POMP: variants seen among roughly 807,000 people sequenced by gnomAD.
The protein encoded by POMP is 2510048O06Rik.
In POMP, 12 loss-of-function variants were observed where a neutral mutation model predicts 20.6. The ratio of observed to expected loss-of-function variants is 0.58; its 90% CI spans 0.37 to 0.94. POMP has a LOEUF of 0.94. POMP is among the 40% of genes least tolerant of loss of function. The pLI, the probability that POMP is intolerant of heterozygous loss-of-function variation, is 0.01. For synonymous variants in POMP, 53 were observed against 55.0 expected (o/e 0.96, Z 0.16); for missense variants, 136 against 161.1 (o/e 0.84, Z 0.84).
chr13:28,672,705 T>A (rs1884571061), intron 5 of POMP, among the ~76,000 whole-genome samples: 1 of 152,076 alleles, frequency 6.6e-6, no homozygotes, highest in Non-Finnish European at 1.5e-5. Flanking sequence ...GAGACAAGCC[T>A]GGCCAACATG....
chr13:28,669,881 G>A (rs1444744088), intron 4 of POMP, among the ~76,000 whole-genome samples: 2 of 152,094 alleles, frequency 1.3e-5, no homozygotes, highest in African/African-American at 4.8e-5. Flanking sequence ...CAAGGTGGGT[G>A]GATCACTCAA....
At chr13:28,669,442 C>G (rs143832868) in intron 4 of POMP, among the ~76,000 whole-genome samples, 2,875 of 152,222 alleles carry the variant, frequency 0.019, 82 homozygotes, top group African/African-American at 0.065. Context: ...GTGGTATGAT[C>G]ATAGCTCACT....
At chr13:28,675,715 A>G (rs531998033) in intron 5 of POMP, among the ~76,000 whole-genome samples, 31 of 143,490 alleles carry the variant, frequency 2.2e-4, no homozygotes, top group Non-Finnish European at 3.9e-4. Context: ...TTTGTAAAGA[A>G]AATTTATTTT....
intron 1 of POMP, among the ~76,000 whole-genome samples, chr13:28,661,174 C>T (rs1268901287): frequency 6.6e-6 from 1 of 152,108 alleles, no homozygotes; most frequent in African/African-American, 2.4e-5. Flanking sequence ...TTAAAGTTAG[C>T]GTCTTGGGCC....
At chr13:28,672,488 C>T in intron 5 of POMP, 56 bp downstream of exon 5, 2 of 1,358,696 alleles carry the variant, frequency 1.5e-6, no homozygotes, top group Non-Finnish European at 2.1e-6. Context: ...AGGCAAACAG[C>T]TGCAAAAAGA....
At chr13:28,665,746 C>G (rs922069348) in intron 3 of POMP, among the ~76,000 whole-genome samples, 1 of 152,176 alleles carries the variant, frequency 6.6e-6, no homozygotes, top group Non-Finnish European at 1.5e-5. Flanking sequence ...AATTTTAGTT[C>G]ACTCTTTTAC....
At chr13:28,669,786 C>T (rs1224353018) in intron 4 of POMP, among the ~76,000 whole-genome samples, 1 of 152,164 alleles carries the variant, frequency 6.6e-6, no homozygotes, top group Non-Finnish European at 1.5e-5. Flanking sequence ...CTATTTCCTA[C>T]TTGTTGCTTT....
chr13:28,665,367 AAG>A (rs1167658051), intron 3 of POMP, among the ~76,000 whole-genome samples: 1 of 152,214 alleles, frequency 6.6e-6, no homozygotes, highest in African/African-American at 2.4e-5. Flanking sequence ...GCCTATAAGA[AAG>A]AGTAGAACAA....
chr13:28,660,009 CTCCT>C (rs1294216325), intron 1 of POMP: 1 of 152,216 alleles, frequency 6.6e-6, no homozygotes, highest in Non-Finnish European at 1.5e-5. Context: ...CCTTTCTCGG[CTCCT>C]TCCTTTATTA....
chr13:28,671,122 C>T (rs2480481), intron 4 of POMP, among the ~76,000 whole-genome samples: 6,763 of 152,180 alleles, frequency 0.044, 504 homozygotes, highest in African/African-American at 0.15. Context: ...GGAAGCTACT[C>T]GTTTTCCAAA....
At chr13:28,677,113 G>A (rs1424925167) in intron 5 of POMP, among the ~76,000 whole-genome samples, 7 of 151,966 alleles carry the variant, frequency 4.6e-5, no homozygotes, top group Non-Finnish European at 7.4e-5. Flanking sequence ...CATTTTTCTC[G>A]TTCCCTAATT....
rs1160348874 is a variant in POMP at position 28,671,445 on chromosome 13, C to CT, written c.265-893dup. Among the ~76,000 whole-genome samples, 5 of 139,226 alleles carry CT rather than the reference C, an allele frequency of 3.6e-5. No individual in the cohort carries two copies. In the East Asian group the frequency reaches 8.3e-4, roughly 23 times the overall value. 91.3% of individuals were successfully genotyped at this position (139,226 alleles called of 152,430 possible). ...TCCAAATATCTTTGCCCAGAATTCT[C>CT]TGTCTTTTTTTTTTTTTTCTTATCT... is the stretch of plus-strand genomic sequence containing the variant. On this transcript the variant is annotated intron_variant, in intron 4 of 5. Transcript: ENST00000380842.
intron 3 of POMP, among the ~76,000 whole-genome samples, chr13:28,666,212 A>C (rs1159689416): frequency 6.6e-6 from 1 of 152,208 alleles, no homozygotes; most frequent in African/African-American, 2.4e-5. Context: ...TGGGCAGGGT[A>C]AAGTGACTTG....
chr13:28,677,893 AC>A (rs1429765371), intron 5 of POMP, 141 bp from the exon 6 acceptor site: 1 of 809,832 alleles, frequency 1.2e-6, no homozygotes, highest in Non-Finnish European at 2.0e-6. Context: ...CAGTCACCCC[AC>A]CCCAGCCCCA....
At chr13:28,666,527 T>G (rs1308344700) in intron 3 of POMP, among the ~76,000 whole-genome samples, 4 of 152,244 alleles carry the variant, frequency 2.6e-5, no homozygotes, top group African/African-American at 9.6e-5. Flanking sequence ...GCATCTCTTC[T>G]TCTTTAATCA....
chr13:28,676,227 A>C (rs183824943), intron 5 of POMP, among the ~76,000 whole-genome samples: 2 of 152,036 alleles, frequency 1.3e-5, no homozygotes, highest in African/African-American at 4.8e-5. Flanking sequence ...GATGGTCTCG[A>C]TCTCCTGACC....
intron 4 of POMP, among the ~76,000 whole-genome samples, chr13:28,670,310 T>C (rs1884524981): frequency 6.6e-6 from 1 of 152,162 alleles, no homozygotes; most frequent in African/African-American, 2.4e-5. Context: ...AAGGCAGAAA[T>C]TGGATAATTA....
intron 5 of POMP, among the ~76,000 whole-genome samples, chr13:28,676,514 C>G (rs1216371289): frequency 6.6e-6 from 1 of 151,998 alleles, no homozygotes; most frequent in Non-Finnish European, 1.5e-5. Flanking sequence ...AGTTGTGTTC[C>G]CAGTACCTGA....
chr13:28,665,485 A>C (rs572535333), intron 3 of POMP, among the ~76,000 whole-genome samples: 29 of 152,334 alleles, frequency 1.9e-4, no homozygotes, highest in Admixed American at 1.5e-3. Flanking sequence ...GACAGCCCAG[A>C]GTACACTTAT....
Sources: gnomAD v4.1 joint callset for allele counts (sites outside exome capture counted in the v4.1 genomes callset) on GRCh38, gnomAD v4.1.1 for gene constraint, MANE v1.5 for transcripts, NCBI Gene and HGNC (gene_info 2026-07-23, HGNC 2026-07-21) for gene names.